The following ABL1 variants were observed in gnomAD, a reference collection of about 807,000 sequenced individuals.
ABL1 encodes the protein ABL proto-oncogene 1, non-receptor tyrosine kinase.
ABL1 carries 11 observed loss-of-function variants against 94.7 expected under a neutral mutation model. The ratio of observed to expected loss-of-function variants is 0.12; its 90% CI spans 0.07 to 0.19. The LOEUF (loss-of-function observed/expected upper bound fraction) is 0.19. Ranked by LOEUF, ABL1 falls within the 10% of genes least tolerant of loss-of-function variation. ABL1 has a pLI of 1.00. For missense variants in ABL1, 1,082 were observed against 1,489.4 expected (o/e 0.73, Z 4.50); for synonymous variants, 656 against 622.4 (o/e 1.05, Z -0.80).
chr9:130,837,004 T>G (rs931364919), intron 1 of ABL1, among the ~76,000 whole-genome samples: 1 of 152,170 alleles, frequency 6.6e-6, no homozygotes, highest in Non-Finnish European at 1.5e-5. Context: ...GAAGGCCTGC[T>G]TGGAGTCACA....
chr9:130,758,012 G>A lies in ABL1; in HGVS notation c.136+43557G>A, dbSNP rs1832063012. Among the ~76,000 whole-genome samples, 4 of 152,190 alleles carry A rather than the reference G, an allele frequency of 2.6e-5. No homozygotes were observed. In the South Asian group the frequency reaches 8.3e-4, roughly 32 times the overall value. On this transcript the variant is annotated intron_variant, in intron 1 of 10. Coordinates refer to the ABL1 transcript ENST00000372348. ...TCAGTTCTCTTAGCTATAAAATGGG[G>A]CTTATAATAATCCCTTCCTTGAAGA...
intron 1 of ABL1, among the ~76,000 whole-genome samples, chr9:130,851,384 A>G (rs1830860530): frequency 6.6e-6 from 1 of 152,116 alleles, no homozygotes; most frequent in East Asian, 1.9e-4. Context: ...TTTAGGACTT[A>G]CCCTTTCAGA....
At chr9:130,785,682 G>A (rs908900010) in intron 1 of ABL1, among the ~76,000 whole-genome samples, 4 of 152,098 alleles carry the variant, frequency 2.6e-5, no homozygotes, top group African/African-American at 9.7e-5. Flanking sequence ...CAGCACTTCA[G>A]GAGGCCAAGG....
chr9:130,785,968 C>T (rs928785701), intron 1 of ABL1, among the ~76,000 whole-genome samples: 5 of 147,250 alleles, frequency 3.4e-5, no homozygotes, highest in Admixed American at 3.4e-4. Flanking sequence ...TCCTGTGGGA[C>T]TTCAGTCTGT....
Position 130,814,660 on chromosome 9 carries a change from G to A in ABL1, c.137-39404G>A, listed in dbSNP as rs35193611. ...TGGTAGGCCGAGGTGGGCGGATCAC[G>A]AGGTCAGGAGACCGAGACCATCCTT... On this transcript the variant is annotated intron_variant, in intron 1 of 10. Coordinates refer to the ABL1 transcript ENST00000372348. This position sits in a 1 kb window ranked among gnomAD's most constrained non-coding sequence, Gnocchi z 4.4. Among the ~76,000 whole-genome samples the A allele has an allele frequency of 0.05, 7,542 of 151,560 alleles. 248 individuals are homozygous for A. Among genetic ancestry groups the A allele is most frequent in the Non-Finnish European group, 0.074 (5,023 of 67,834 alleles).
Position 130,885,708 on chromosome 9 carries a change from G to A in ABL1, c.*25G>A. 2.5e-6 allele frequency: 4 copies of A among 1,590,030 alleles called. No homozygotes were observed. Among genetic ancestry groups the A allele is most frequent in the Non-Finnish European group, 3.4e-6 (4 of 1,167,390 alleles). ...GCAGCAGTCAGGGGTCAGGTGTCAG[G>A]CCCGTCGGAGCTGCCTGCAGCACAT... is the stretch of plus-strand genomic sequence containing the variant. On this transcript the variant is annotated 3_prime_UTR_variant, in exon 11 of 11. Transcript: ENST00000318560.
rs567613922 is a variant in ABL1, at chr9:130,766,682, C to G, written c.136+52227C>G. On this transcript the variant is annotated intron_variant, in intron 1 of 10. Transcript: ENST00000372348. The stretch of plus-strand genomic sequence containing the variant: ...TCATCCTTGCCTCCTCCTCTGCCCT[C>G]TCTTTCTTGTCCGATACAGTCACAA... Among the ~76,000 whole-genome samples, 18 of 152,294 alleles carry G rather than the reference C, an allele frequency of 1.2e-4. No individual in the cohort carries two copies. In the South Asian group the frequency reaches 2.7e-3, roughly 23 times the overall value.
chr9:130,809,405 AG>A (rs1830173556), intron 1 of ABL1, among the ~76,000 whole-genome samples: 1 of 121,788 alleles, frequency 8.2e-6, no homozygotes, highest in African/African-American at 2.9e-5. Context: ...AGAGAGAGAG[AG>A]AGAGAGAGAG....
intron 1 of ABL1, among the ~76,000 whole-genome samples, chr9:130,811,063 C>A (rs1830202479): frequency 6.6e-6 from 1 of 151,326 alleles, no homozygotes; most frequent in South Asian, 2.1e-4. Context: ...AGTGAAAATA[C>A]CTTTCAAAAA....
intron 4 of ABL1, among the ~76,000 whole-genome samples, chr9:130,867,925 A>T (rs958901836): frequency 2.7e-5 from 4 of 145,748 alleles, no homozygotes; most frequent in Non-Finnish European, 6.0e-5. Flanking sequence ...GTCTAACTCT[A>T]TCCCTCCAGT....
chr9:130,780,981 C>T (rs1004257464), intron 1 of ABL1, among the ~76,000 whole-genome samples: 1 of 152,200 alleles, frequency 6.6e-6, no homozygotes, highest in African/African-American at 2.4e-5. Context: ...CCTGATTGGT[C>T]TGTTGGCTCT....
intron 1 of ABL1, among the ~76,000 whole-genome samples, chr9:130,790,044 TTGTC>T (rs1423426580): frequency 2.0e-5 from 3 of 152,362 alleles, no homozygotes; most frequent in African/African-American, 7.2e-5. Context: ...CAACAGGCCT[TTGTC>T]TGTCATTTGT....
At chr9:130,726,392 T>C (rs1831586407) in intron 1 of ABL1, among the ~76,000 whole-genome samples, 2 of 152,150 alleles carry the variant, frequency 1.3e-5, no homozygotes, top group Admixed American at 1.3e-4. Flanking sequence ...TTAGTTTCCC[T>C]TGTTTTTGTT....
intron 3 of ABL1, 136 bp downstream of exon 3, chr9:130,855,232 C>T: frequency 9.8e-7 from 1 of 1,020,502 alleles, no homozygotes; most frequent in East Asian, 2.4e-5. Context: ...GGAGTCATTC[C>T]ATTAGCCTTA....
chr9:130,839,280 G>A (rs984993802), intron 1 of ABL1, among the ~76,000 whole-genome samples: 1 of 152,116 alleles, frequency 6.6e-6, no homozygotes, highest in Non-Finnish European at 1.5e-5. Flanking sequence ...CTTTTCAGCA[G>A]CTAACTTTCC....
In ABL1 at chr9:130,760,852, A is replaced by T. The variant is rs142033432; in HGVS notation, c.136+46397A>T. On this transcript the variant is annotated intron_variant, in intron 1 of 10. Transcript: ENST00000372348. ...TAATTTTTGCATTATTTTTTGGTAGAGACGGGGTTTCACCATGTTGGCCAG... is the reference window on the plus strand; with the variant it reads ...TAATTTTTGCATTATTTTTTGGTAGTGACGGGGTTTCACCATGTTGGCCAG... 3.4e-3 allele frequency among the ~76,000 whole-genome samples: 501 copies of T among 147,188 alleles called. 2 individuals are homozygous for T. Among genetic ancestry groups the T allele is most frequent in the African/African-American group, 0.012 (476 of 39,698 alleles).
chr9:130,834,969 G>C, upstream of ABL1: 2 of 453,706 alleles, frequency 4.4e-6, no homozygotes, highest in South Asian at 1.6e-5. Context: ...GTGGAGTTGC[G>C]CGCGGCTTCT....
intron 1 of ABL1, among the ~76,000 whole-genome samples, chr9:130,721,437 G>A (rs1003199525): frequency 5.3e-5 from 8 of 150,538 alleles, no homozygotes; most frequent in African/African-American, 1.7e-4. Context: ...GGCCAGGTGC[G>A]GTGGCTCATG....
chr9:130,755,680 CCT>C (rs1308691543), intron 1 of ABL1, among the ~76,000 whole-genome samples: 6 of 152,198 alleles, frequency 3.9e-5, no homozygotes, highest in African/African-American at 1.4e-4. Flanking sequence ...GACCAATTCC[CCT>C]CTGTTTTCCA....
Sources: gnomAD v4.1 joint callset for allele counts (sites outside exome capture counted in the v4.1 genomes callset) on GRCh38, gnomAD v4.1.1 for gene constraint, Gnocchi (gnomAD v3.1) non-coding constraint, MANE v1.5 for transcripts, NCBI Gene and HGNC (gene_info 2026-07-23, HGNC 2026-07-21) for gene names.